MTIF3: variants seen among roughly 807,000 people sequenced by gnomAD.
MTIF3 encodes mitochondrial translational initiation factor 3.
Under a neutral mutation model 20.7 loss-of-function variants are expected in MTIF3, and 13 were observed. The ratio of observed to expected loss-of-function variants is 0.63; its 90% CI spans 0.41 to 1.00. The LOEUF is 1.00. Among genes scored for constraint, MTIF3 ranks in the 50% least tolerant of loss-of-function variants. MTIF3 has a pLI of 0.00. For missense variants in MTIF3, 295 were observed against 324.5 expected (o/e 0.91, Z 0.70); for synonymous variants, 114 against 112.5 (o/e 1.01, Z -0.08).
chr13:27,439,954 T>G (rs1192488073), intron 3 of MTIF3, 35 bp downstream of exon 3: 1 of 1,582,278 alleles, frequency 6.3e-7, no homozygotes, highest in Non-Finnish European at 8.7e-7. Context: ...TTGTAGCTCT[T>G]AAAGGATTCA....
intron 3 of MTIF3, among the ~76,000 whole-genome samples, chr13:27,437,665 C>T (rs535187742): frequency 6.6e-6 from 1 of 152,230 alleles, no homozygotes; most frequent in South Asian, 2.1e-4. Flanking sequence ...AAGGGGTCAG[C>T]CAGACTGTTG....
At chr13:27,441,700 C>G (rs1954007067) in intron 2 of MTIF3, among the ~76,000 whole-genome samples, 1 of 152,166 alleles carries the variant, frequency 6.6e-6, no homozygotes, top group South Asian at 2.1e-4. Flanking sequence ...ACCCATTCAT[C>G]TCATCTAGGG....
chr13:27,444,118 A>C (rs1954092881), intron 2 of MTIF3, among the ~76,000 whole-genome samples: 1 of 152,152 alleles, frequency 6.6e-6, no homozygotes, highest in South Asian at 2.1e-4. Context: ...CCTGGCTAAC[A>C]CAGTGAAACC....
In MTIF3 at chr13:27,437,421, C is replaced by T. The variant is rs1346017533; in HGVS notation, c.461-148G>A. 4.4e-6 allele frequency: 3 copies of T among 686,696 alleles called. No homozygotes were observed. The African/African-American group carries it at 5.4e-5, about 12-fold the overall frequency. 42.5% of individuals were successfully genotyped at this position (686,696 alleles called of 1,614,324 possible). ...TTTCACAGACCAGTAAATGTCTTTT[C>T]AAATGGGGAAGATACACATAAAGGT... On this transcript the variant is annotated intron_variant, in intron 3 of 4. Coordinates refer to ENST00000381120, the MANE Select transcript of MTIF3 (RefSeq NM_152912.5).
chr13:27,449,398 C>G (rs2138213992), intron 1 of MTIF3, among the ~76,000 whole-genome samples: 1 of 142,258 alleles, frequency 7.0e-6, no homozygotes, highest in South Asian at 2.3e-4. Context: ...TTAAATAAAA[C>G]TGCCCCGAGA....
chr13:27,437,155 T>TA lies in MTIF3; in HGVS notation c.578dup (p.Lys195GlufsTer11), dbSNP rs1234408299. The TA allele has an allele frequency of 6.2e-7, 1 of 1,614,032 alleles. No individual in the cohort carries two copies. The highest frequency in any genetic ancestry group is 8.5e-7 in the Non-Finnish European group (1 of 1,180,026). On this transcript the variant is annotated frameshift_variant, in exon 4 of 5. Coordinates refer to ENST00000381120, the MANE Select transcript of MTIF3 (RefSeq NM_152912.5). LOFTEE classifies it low-confidence loss of function (END_TRUNC). ...ACACGTCTACATTTTTTCCTTTCTT[T>TA]ATGGTAATCTGGACTAGGTGTTTTT...
At position 27,440,210 on chromosome 13, in the gene MTIF3, C is replaced by T; in HGVS notation, c.239G>A (p.Arg80Lys). 1 of 1,614,198 alleles carries T rather than the reference C, an allele frequency of 6.2e-7. No individual in the cohort carries two copies. The highest frequency in any genetic ancestry group is 8.5e-7 in the Non-Finnish European group (1 of 1,180,028). The change falls in exon 3 of 5, where the codon AGA becomes AAA. Residue 80 changes from arginine (R) to lysine (K), a missense_variant. By Grantham distance (26) the Arg-to-Lys change is conservative. Transcript: ENST00000381120. The stretch of plus-strand genomic sequence containing the variant: ...GTGAATAACTCGCTGACTAATTTTT[C>T]TTCCAACGTTACTAAAAGCTGTTTT... ...KNKTAFSNVGRKISQRVIHLF... is the reference protein window; with the variant it reads ...KNKTAFSNVGKKISQRVIHLF...
intron 4 of MTIF3, among the ~76,000 whole-genome samples, chr13:27,436,745 A>T (rs1416327881): frequency 4.4e-5 from 4 of 90,204 alleles, no homozygotes; most frequent in Non-Finnish European, 8.0e-5. Context: ...ATTTTCTACA[A>T]TTTTTTTTTT....
At chr13:27,436,190 G>C (rs1256527609) in intron 4 of MTIF3, among the ~76,000 whole-genome samples, 1 of 152,078 alleles carries the variant, frequency 6.6e-6, no homozygotes, top group Non-Finnish European at 1.5e-5. Flanking sequence ...ACTGGGTTTG[G>C]GCATTGGCAA....
intron 2 of MTIF3, among the ~76,000 whole-genome samples, chr13:27,443,419 G>A (rs1020437065): frequency 8.5e-5 from 13 of 152,112 alleles, no homozygotes; most frequent in African/African-American, 3.1e-4. Flanking sequence ...ATGTCACTAG[G>A]TATTCTGCTA....
chr13:27,436,283 A>G (rs1446116567), intron 4 of MTIF3, among the ~76,000 whole-genome samples: 1 of 152,184 alleles, frequency 6.6e-6, no homozygotes, highest in Non-Finnish European at 1.5e-5. Flanking sequence ...TCAGTGACTG[A>G]AACAAATGGA....
chr13:27,448,279 A>G (rs1954244437), intron 1 of MTIF3, among the ~76,000 whole-genome samples: 1 of 152,342 alleles, frequency 6.6e-6, no homozygotes, highest in Middle Eastern at 3.4e-3. Flanking sequence ...ACAAGCTCAT[A>G]CTGTTATCTG....
Position 27,440,248 on chromosome 13 carries a change from C to CT in MTIF3, c.200dup (p.Thr68AspfsTer5), listed in dbSNP as rs1488212779. On this transcript the variant is annotated frameshift_variant, in exon 3 of 5. Coordinates refer to ENST00000381120, the MANE Select transcript of MTIF3 (RefSeq NM_152912.5). LOFTEE classifies it high-confidence loss of function. ...TAAAAGCTGTTTTATTCTTTTTTGTCTTTTTTCCTTCATTCTGGGTGTCTT... is the reference window on the plus strand; with the variant it reads ...TAAAAGCTGTTTTATTCTTTTTTGTCTTTTTTTCCTTCATTCTGGGTGTCTT... 4 of 1,613,828 alleles carry CT rather than the reference C, an allele frequency of 2.5e-6. No individual in the cohort carries two copies. The highest frequency in any genetic ancestry group is 2.7e-5 in the African/African-American group (2 of 74,838).
At chr13:27,439,908 G>C in intron 3 of MTIF3, 81 bp downstream of exon 3, 1 of 1,229,672 alleles carries the variant, frequency 8.1e-7, no homozygotes, top group Non-Finnish European at 1.1e-6. Context: ...TCTTGTCACA[G>C]GCACCTTGAC....
At chr13:27,439,158 T>C (rs1356496221) in intron 3 of MTIF3, among the ~76,000 whole-genome samples, 6 of 152,228 alleles carry the variant, frequency 3.9e-5, no homozygotes, top group South Asian at 4.1e-4. Context: ...TGCAACACAA[T>C]GCTTTGGCAT....
chr13:27,447,568 T>C (rs926869373), intron 1 of MTIF3, among the ~76,000 whole-genome samples: 12 of 152,222 alleles, frequency 7.9e-5, no homozygotes, highest in Admixed American at 7.9e-4. Context: ...CCATTTTTAA[T>C]TCGATGATTA....
chr13:27,447,062 G>T (rs1954202138), intron 1 of MTIF3, among the ~76,000 whole-genome samples: 1 of 152,160 alleles, frequency 6.6e-6, no homozygotes, highest in East Asian at 1.9e-4. Flanking sequence ...TTTTGCTAGT[G>T]AACGGTTAAA....
chr13:27,435,699 C>A lies in MTIF3; in HGVS notation c.813G>T (p.Lys271Asn). Reference protein sequence around the residue: ...DTLNKDHGNDKESNVLHQ With the variant: ...DTLNKDHGNDNESNVLHQ Reference sequence around the variant, plus strand: ...ATTACTGATGCAGAACATTTGATTCCTTATCATTTCCATGGTCTTTGTTCA... The same window carrying A: ...ATTACTGATGCAGAACATTTGATTCATTATCATTTCCATGGTCTTTGTTCA... The change falls in exon 5 of 5, where the codon AAG (lysine) becomes AAT (asparagine). Residue 271 changes from lysine (K) to asparagine (N), a missense_variant. Lys to Asn is a moderately conservative substitution (Grantham distance 94). Coordinates refer to ENST00000381120, the MANE Select transcript of MTIF3 (RefSeq NM_152912.5). The A allele has an allele frequency of 6.2e-7, 1 of 1,613,992 alleles. No individual in the cohort carries two copies. Among genetic ancestry groups the A allele is most frequent in the Non-Finnish European group, 8.5e-7 (1 of 1,179,914 alleles).
intron 1 of MTIF3, among the ~76,000 whole-genome samples, chr13:27,445,888 T>A (rs960741494): frequency 2.0e-5 from 3 of 151,408 alleles, no homozygotes; most frequent in African/African-American, 7.3e-5. Flanking sequence ...CTGGTTAGTG[T>A]CTAAAAAAGC....
Sources: allele counts gnomAD v4.1 joint callset (sites outside exome capture counted in the v4.1 genomes callset), GRCh38; gene constraint gnomAD v4.1.1; transcripts MANE v1.5; gene names NCBI Gene and HGNC (gene_info 2026-07-23, HGNC 2026-07-21).